Variants in SLC4A8 observed in about 807,000 individuals in gnomAD.
SLC4A8 encodes the protein solute carrier family 4 member 8, also known as electroneutral sodium bicarbonate exchanger 1.
SLC4A8 carries 40 observed loss-of-function variants against 125.0 expected under a neutral mutation model. The observed-to-expected ratio is 0.32, with a 90% CI of 0.25 to 0.42. The LOEUF is 0.42. Ranked by LOEUF, SLC4A8 falls within the 10% of genes least tolerant of loss-of-function variation. The probability of loss-of-function intolerance (pLI) is 1.00; values close to 1 mark genes in which losing one functional copy is unlikely to be tolerated. For missense variants in SLC4A8, 863 were observed against 1,355.1 expected, an observed-to-expected ratio of 0.64 and a Z score of 5.70; for synonymous variants, 456 against 476.0, an observed-to-expected ratio of 0.96 and a Z score of 0.55.
chr12:51,468,187 T>G (rs529591233), intron 11 of SLC4A8, among the ~76,000 whole-genome samples: 3 of 152,250 alleles, frequency 2.0e-5, no homozygotes, highest in Admixed American at 1.3e-4. Flanking sequence ...TTAGAAAAAG[T>G]GATTGAATTG....
At chr12:51,470,114 C>T (rs1950648274) in intron 12 of SLC4A8, among the ~76,000 whole-genome samples, 1 of 152,134 alleles carries the variant, frequency 6.6e-6, no homozygotes. Flanking sequence ...TGAATGGTAT[C>T]ACTGTGCTTT....
intron 1 of SLC4A8, among the ~76,000 whole-genome samples, chr12:51,415,253 A>ATT: frequency 6.6e-6 from 1 of 151,948 alleles, no homozygotes; most frequent in East Asian, 1.9e-4. Flanking sequence ...TGCTGGCCTC[A>ATT]TGGAATGAGT....
intron 1 of SLC4A8, among the ~76,000 whole-genome samples, chr12:51,433,887 T>G (rs867054601): frequency 0.014 from 1,800 of 127,482 alleles, 47 homozygotes; most frequent in Non-Finnish European, 0.022. Flanking sequence ...TTGGTTGGTT[T>G]TTTTTTGAGA....
At position 51,395,348 on chromosome 12, in the gene SLC4A8, T is replaced by TC. The variant is rs1243960151; in HGVS notation, c.-112+3861dup. Among the ~76,000 whole-genome samples, 10 of 150,630 alleles carry TC rather than the reference T, an allele frequency of 6.6e-5. No individual in the cohort carries two copies. The East Asian group carries it at 1.9e-3, about 29-fold the overall frequency. ...GTCCTATGAATTTCTTTTTTTTTTT[T>TC]CTCACGATCTTATTTTTATTTCTTG... On this transcript the variant is annotated intron_variant, in intron 1 of 24. Coordinates refer to the SLC4A8 transcript ENST00000358657.
intron 11 of SLC4A8, among the ~76,000 whole-genome samples, chr12:51,468,197 G>A (rs1354183527): frequency 6.6e-6 from 1 of 152,104 alleles, no homozygotes; most frequent in East Asian, 1.9e-4. Context: ...TGATTGAATT[G>A]GGAACACATC....
intron 1 of SLC4A8, among the ~76,000 whole-genome samples, chr12:51,392,571 C>CAAA (rs35992841): frequency 0.025 from 2,952 of 119,096 alleles, 69 homozygotes; most frequent in Non-Finnish European, 0.03. Flanking sequence ...GATTCCGTAT[C>CAAA]AAAAAAAAAA....
chr12:51,502,514 GCATGAGC>G (rs1403840215), intron 22 of SLC4A8: 1 of 149,006 alleles, frequency 6.7e-6, no homozygotes, highest in Admixed American at 6.8e-5. Context: ...TGGGATTAAG[GCATGAGC>G]CACTGTGCCT....
chr12:51,405,390 T>C (rs1948465663), intron 1 of SLC4A8, among the ~76,000 whole-genome samples: 1 of 152,224 alleles, frequency 6.6e-6, no homozygotes, highest in South Asian at 2.1e-4. Context: ...TCACCATTTC[T>C]CTGCTTCATT....
chr12:51,493,168 CT>C (rs1271994673), intron 19 of SLC4A8, among the ~76,000 whole-genome samples: 31 of 152,078 alleles, frequency 2.0e-4, no homozygotes, highest in Admixed American at 2.0e-3. Flanking sequence ...TGTTCAAATA[CT>C]GTGTGGATGT....
chr12:51,505,971 C>A (rs1938149767), intron 24 of SLC4A8, 41 bp downstream of exon 24: 1 of 954,872 alleles, frequency 1.0e-6, no homozygotes, highest in Non-Finnish European at 1.6e-6. Context: ...TTATTTCTGG[C>A]TTTTGACAAT....
chr12:51,419,647 C>T (rs761188322), intron 1 of SLC4A8, among the ~76,000 whole-genome samples: 4 of 152,194 alleles, frequency 2.6e-5, no homozygotes, highest in Non-Finnish European at 5.9e-5. Flanking sequence ...GGATGACAAC[C>T]GTTTTTTTTA....
upstream of SLC4A8, among the ~76,000 whole-genome samples, chr12:51,424,037 C>CAAAAAA (rs35611847): frequency 5.2e-5 from 2 of 38,210 alleles, no homozygotes; most frequent in Admixed American, 4.2e-4. Context: ...ACTTCGTCTC[C>CAAAAAA]AAAAAAAAAA....
chr12:51,478,581 A>G (rs904088799), intron 16 of SLC4A8, among the ~76,000 whole-genome samples: 1 of 152,088 alleles, frequency 6.6e-6, no homozygotes, highest in Non-Finnish European at 1.5e-5. Context: ...GAATGATAAC[A>G]TTCTGTAATT....
chr12:51,475,494 T>TA (rs1950831251), intron 16 of SLC4A8, among the ~76,000 whole-genome samples: 1 of 152,366 alleles, frequency 6.6e-6, no homozygotes, highest in South Asian at 2.1e-4. Context: ...AGAATGCTGT[T>TA]ACGTTTCATT....
At chr12:51,455,762 A>T (rs1301630401) in intron 5 of SLC4A8, among the ~76,000 whole-genome samples, 1 of 152,156 alleles carries the variant, frequency 6.6e-6, no homozygotes, top group Non-Finnish European at 1.5e-5. Context: ...CACTGATGGG[A>T]CATTGGGCCC....
rs188788676 is a variant in SLC4A8, at chr12:51,457,264, T to C, written c.575-87T>C. The stretch of plus-strand genomic sequence containing the variant: ...AGTGGAGCTGCTTCCCCCTACTCCA[T>C]GCCCTTTACCCCACTCCACCTGATG... On this transcript the variant is annotated intron_variant, in intron 5 of 24. Transcript: ENST00000453097. 472 of 1,108,300 alleles carry C rather than the reference T, an allele frequency of 4.3e-4. 1 individual carries two copies. The highest frequency in any genetic ancestry group is 5.8e-4 in the Non-Finnish European group (437 of 757,466). 68.7% of individuals were successfully genotyped at this position (1,108,300 alleles called of 1,614,324 possible).
At chr12:51,425,555 T>C (rs760851544) in intron 1 of SLC4A8, 4 of 459,736 alleles carry the variant, frequency 8.7e-6, no homozygotes, top group African/African-American at 6.3e-5. Context: ...CTCTGCCCCA[T>C]TGAACAGACA....
At chr12:51,417,101 CAAAA>C (rs36051030) in intron 1 of SLC4A8, among the ~76,000 whole-genome samples, 1 of 143,622 alleles carries the variant, frequency 7.0e-6, no homozygotes, top group East Asian at 2.0e-4. Flanking sequence ...CCCCCTGTCT[CAAAA>C]AAAAAAAGAG....
rs528286472 is a variant in SLC4A8 at position 51,428,111 on chromosome 12, A to C, written c.48+3076A>C. Among the ~76,000 whole-genome samples, 225 of 152,222 alleles carry C rather than the reference A, an allele frequency of 1.5e-3. 1 individual carries two copies. The highest frequency in any genetic ancestry group is 5.1e-3 in the African/African-American group (213 of 41,544). On this transcript the variant is annotated intron_variant, in intron 1 of 24. Transcript: ENST00000453097. ...ACCTCAGGTGGGTCTTGTGCCTGTC[A>C]TTCCCTCTGCCCAGGATGCTGTTTT...
Sources: gnomAD v4.1 joint callset for allele counts (sites outside exome capture counted in the v4.1 genomes callset) on GRCh38, gnomAD v4.1.1 for gene constraint, MANE v1.5 for transcripts, NCBI Gene and HGNC (gene_info 2026-07-23, HGNC 2026-07-21) for gene names.